The following ARHGEF10L variants were observed in gnomAD, a reference collection of about 807,000 sequenced individuals.
ARHGEF10L encodes Rho guanine nucleotide exchange factor 10 like.
ARHGEF10L carries 69 observed loss-of-function variants against 141.2 expected under a neutral mutation model. The observed-to-expected ratio is 0.49, with a 90% CI of 0.40 to 0.60. ARHGEF10L has a LOEUF of 0.60. Among genes scored for constraint, ARHGEF10L ranks in the 20% least tolerant of loss-of-function variants. The probability of loss-of-function intolerance (pLI) is 0.00; values close to 1 mark genes in which losing one functional copy is unlikely to be tolerated. For missense variants in ARHGEF10L, 1,482 were observed against 1,734.3 expected, an observed-to-expected ratio of 0.85 and a Z score of 2.58; for synonymous variants, 711 against 718.5, an observed-to-expected ratio of 0.99 and a Z score of 0.17.
chr1:17,691,537 C>T (rs565876308), intron 27 of ARHGEF10L, among the ~76,000 whole-genome samples: 2 of 152,228 alleles, frequency 1.3e-5, no homozygotes, highest in South Asian at 2.1e-4. Flanking sequence ...CCACTGTCCC[C>T]TCTCTTGGCT....
the ARHGEF10L span, among the ~76,000 whole-genome samples, chr1:17,532,896 C>T: frequency 7.2e-4 from 109 of 152,182 alleles, no homozygotes; most frequent in African/African-American, 2.5e-3. Context: ...CACCCACCAC[C>T]CCCTCTTGAC....
intron 25 of ARHGEF10L, among the ~76,000 whole-genome samples, chr1:17,660,083 G>A (rs2062520052): frequency 6.6e-6 from 1 of 152,244 alleles, no homozygotes; most frequent in Non-Finnish European, 1.5e-5. Flanking sequence ...CAGTGCCCCT[G>A]AGGTGTCAGG....
At chr1:17,610,196 C>A (rs1056101005) in intron 7 of ARHGEF10L, among the ~76,000 whole-genome samples, 1 of 152,208 alleles carries the variant, frequency 6.6e-6, no homozygotes, top group Admixed American at 6.5e-5. Context: ...ATGCCAGGGC[C>A]TCACCAGGGA....
At chr1:17,668,901 C>T (rs962198409) in intron 26 of ARHGEF10L, among the ~76,000 whole-genome samples, 10 of 152,196 alleles carry the variant, frequency 6.6e-5, no homozygotes, top group South Asian at 2.1e-4. Flanking sequence ...TTGCTGCTAA[C>T]GACTGCTTGA....
chr1:17,598,098 G>C (rs1001830699), intron 4 of ARHGEF10L, among the ~76,000 whole-genome samples: 1 of 150,364 alleles, frequency 6.7e-6, no homozygotes, highest in Non-Finnish European at 1.5e-5. Context: ...ATAAACAAGA[G>C]AAACTTTTTT....
In ARHGEF10L at chr1:17,616,172, GT is replaced by G. The variant is rs1557831639; in HGVS notation, c.806del (p.Val269AlafsTer42). On this transcript the variant is annotated frameshift_variant, in exon 9 of 29. Transcript: ENST00000361221. LOFTEE classifies it high-confidence loss of function. ...GACACGGATGGCCGTGATGCGCAAAGTCTCCTTCCTGCACAGGAAGGACGTC... is the reference window on the plus strand; with the variant it reads ...GACACGGATGGCCGTGATGCGCAAAGCTCCTTCCTGCACAGGAAGGACGTC... ...EKTRMAVMRK[V>X]SFLHRKDVLG... is the part of the protein sequence containing the mutation. The G allele has an allele frequency of 6.2e-7, 1 of 1,613,162 alleles. No homozygotes were observed. Among genetic ancestry groups the G allele is most frequent in the Non-Finnish European group, 8.5e-7 (1 of 1,179,740 alleles).
chr1:17,545,294 A>G (rs2076879585), intron 1 of ARHGEF10L, among the ~76,000 whole-genome samples: 1 of 152,188 alleles, frequency 6.6e-6, no homozygotes, highest in Non-Finnish European at 1.5e-5. Context: ...GGAATCCAGC[A>G]ATGAGCAACT....
At chr1:17,642,910 G>T (rs1028519566) in intron 21 of ARHGEF10L, among the ~76,000 whole-genome samples, 1 of 152,192 alleles carries the variant, frequency 6.6e-6, no homozygotes, top group African/African-American at 2.4e-5. Flanking sequence ...TGTTTGAACC[G>T]CATGTGCTTT....
At chr1:17,574,908 A>G (rs1203866975) in intron 1 of ARHGEF10L, among the ~76,000 whole-genome samples, 13 of 152,060 alleles carry the variant, frequency 8.5e-5, no homozygotes, top group Admixed American at 8.5e-4. Flanking sequence ...GGCTTTCAGG[A>G]CAGGCAGAGG....
At chr1:17,534,832 A>G (rs2076552433), upstream of ARHGEF10L, among the ~76,000 whole-genome samples, 2 of 151,932 alleles carry the variant, frequency 1.3e-5, no homozygotes, top group South Asian at 4.1e-4. Flanking sequence ...CAGATGATCC[A>G]TCTGCCTTGG....
the ARHGEF10L span, among the ~76,000 whole-genome samples, chr1:17,525,135 A>C: frequency 6.6e-6 from 1 of 152,296 alleles, no homozygotes; most frequent in African/African-American, 2.4e-5. Context: ...TGGCCCAGCC[A>C]AACCCAGCTC....
chr1:17,578,060 A>G (rs1479680747), intron 1 of ARHGEF10L, among the ~76,000 whole-genome samples: 5 of 152,166 alleles, frequency 3.3e-5, no homozygotes, highest in Non-Finnish European at 7.3e-5. Context: ...CTCTTTCTGT[A>G]TCATCATCAA....
At chr1:17,595,050 TAC>T (rs1273580001) in intron 4 of ARHGEF10L, among the ~76,000 whole-genome samples, 4 of 152,080 alleles carry the variant, frequency 2.6e-5, no homozygotes, top group African/African-American at 9.7e-5. Flanking sequence ...TTAAAAAAAA[TAC>T]AGTTTGTTGT....
At chr1:17,557,904 TGG>T (rs1469810503) in intron 1 of ARHGEF10L, among the ~76,000 whole-genome samples, 5 of 152,212 alleles carry the variant, frequency 3.3e-5, no homozygotes, top group African/African-American at 1.2e-4. Flanking sequence ...CTAGGATTCC[TGG>T]GTTGCTGAGC....
intron 26 of ARHGEF10L, among the ~76,000 whole-genome samples, chr1:17,678,043 C>T (rs531613116): frequency 2.0e-5 from 3 of 152,262 alleles, no homozygotes; most frequent in South Asian, 2.1e-4. Flanking sequence ...CAGCCCAGCA[C>T]GTGCAGGAGC....
chr1:17,689,788 G>A (rs2064958379), intron 27 of ARHGEF10L: 1 of 455,614 alleles, frequency 2.2e-6, no homozygotes. Context: ...AATCTCATGG[G>A]CTTTTAAAAA....
intron 1 of ARHGEF10L, among the ~76,000 whole-genome samples, chr1:17,547,344 G>A (rs766270603): frequency 6.6e-6 from 1 of 152,200 alleles, no homozygotes; most frequent in Non-Finnish European, 1.5e-5. Context: ...ATGTTGGCAT[G>A]TTGGGCCCAA....
rs1487306009 is a variant in ARHGEF10L, at chr1:17,627,574, C to G, written c.1584+71C>G. 7 of 1,527,008 alleles carry G rather than the reference C, an allele frequency of 4.6e-6. No homozygotes were observed. The Admixed American group carries it at 1.3e-4, about 29-fold the overall frequency. 94.6% of individuals were successfully genotyped at this position (1,527,008 alleles called of 1,614,324 possible). ...CCTGTGCTCCTGCCCGTGCCCCTGC[C>G]CCACGCCACCCACACTAGGTGGCAG... On this transcript the variant is annotated intron_variant, in intron 15 of 28. Transcript: ENST00000361221. This position sits in a 1 kb window ranked among gnomAD's most constrained non-coding sequence, Gnocchi z 4.0.
At chr1:17,569,755 G>A (rs755413632) in intron 1 of ARHGEF10L, among the ~76,000 whole-genome samples, 84 of 152,226 alleles carry the variant, frequency 5.5e-4, no homozygotes, top group Non-Finnish European at 9.8e-4. Flanking sequence ...GAAAGGCTGG[G>A]GTATGTGCCT....
Sources: allele counts gnomAD v4.1 joint callset (sites outside exome capture counted in the v4.1 genomes callset), GRCh38; gene constraint gnomAD v4.1.1; non-coding constraint Gnocchi (gnomAD v3.1); transcripts MANE v1.5; gene names NCBI Gene and HGNC (gene_info 2026-07-23, HGNC 2026-07-21).